The following PRR16 variants were observed in gnomAD, a reference collection of about 807,000 sequenced individuals.
PRR16 encodes protein Largen.
In PRR16, 6 loss-of-function variants were observed where a neutral mutation model predicts 18.2. That is an observed-to-expected ratio of 0.33 (90% confidence interval 0.18 to 0.65). PRR16 has a LOEUF of 0.65. Among genes scored for constraint, PRR16 ranks in the 30% least tolerant of loss-of-function variants. The pLI, the probability that PRR16 is intolerant of heterozygous loss-of-function variation, is 0.74. For missense variants in PRR16, 412 were observed against 376.6 expected (o/e 1.09, Z -0.78); for synonymous variants, 151 against 147.8 (o/e 1.02, Z -0.16).
intron 1 of PRR16, among the ~76,000 whole-genome samples, chr5:120,667,505 T>A (rs539334556): frequency 4.6e-5 from 7 of 151,826 alleles, no homozygotes; most frequent in African/African-American, 1.7e-4. Flanking sequence ...AGCTTTTGAA[T>A]GTGTTTGCTC....
chr5:120,562,729 C>T (rs1264254967), intron 1 of PRR16, among the ~76,000 whole-genome samples: 1 of 152,114 alleles, frequency 6.6e-6, no homozygotes, highest in Admixed American at 6.6e-5. Context: ...CAACTTTTCA[C>T]TGATGGCATA....
At chr5:120,596,195 G>A (rs978230390) in intron 1 of PRR16, among the ~76,000 whole-genome samples, 6 of 146,736 alleles carry the variant, frequency 4.1e-5, no homozygotes, top group Non-Finnish European at 7.5e-5. Flanking sequence ...ATACAATCTT[G>A]ATTTGGGCTC....
the PRR16 span, among the ~76,000 whole-genome samples, chr5:120,712,044 T>G: frequency 1.3e-5 from 2 of 152,202 alleles, no homozygotes; most frequent in East Asian, 3.9e-4. Context: ...GACTGTATGT[T>G]TTTAGTGCTC....
the PRR16 span, among the ~76,000 whole-genome samples, chr5:120,794,087 C>T: frequency 3.3e-5 from 5 of 152,242 alleles, no homozygotes; most frequent in African/African-American, 9.6e-5. Flanking sequence ...ACTAAGATGA[C>T]ATTTTCCTCC....
intron 1 of PRR16, among the ~76,000 whole-genome samples, chr5:120,611,191 A>G (rs1291848658): frequency 1.3e-5 from 2 of 152,170 alleles, no homozygotes; most frequent in African/African-American, 4.8e-5. Context: ...GCAAGTGGTG[A>G]CTTGGGTGCT....
the PRR16 span, among the ~76,000 whole-genome samples, chr5:120,703,658 T>A: frequency 1.3e-5 from 2 of 152,268 alleles, no homozygotes; most frequent in East Asian, 3.9e-4. Context: ...ATTGCTTTTA[T>A]TTAATGTGTT....
At chr5:120,676,595 AAG>A (rs749593458) in intron 1 of PRR16, among the ~76,000 whole-genome samples, 1 of 151,786 alleles carries the variant, frequency 6.6e-6, no homozygotes, top group African/African-American at 2.4e-5. Context: ...GGAAAAAAGA[AAG>A]AGTTAAATAA....
intron 1 of PRR16, among the ~76,000 whole-genome samples, chr5:120,580,804 CTGTT>C (rs1340927369): frequency 6.6e-6 from 1 of 152,066 alleles, no homozygotes; most frequent in African/African-American, 2.4e-5. Context: ...GTTTTTGGTT[CTGTT>C]TATGTGATCA....
chr5:120,509,088 G>A lies in PRR16; in HGVS notation c.159+44443G>A, dbSNP rs1750738964. On this transcript the variant is annotated intron_variant, in intron 1 of 1. Transcript: ENST00000407149. ...TTATATAGCTCTGTCTTATGTTTAT[G>A]TTGCCTGTGAATCTCGATAGTGAAT... Among the ~76,000 whole-genome samples, 5 of 152,216 alleles carry A rather than the reference G, an allele frequency of 3.3e-5. No individual in the cohort carries two copies. In the South Asian group the frequency reaches 1.0e-3, roughly 32 times the overall value.
At chr5:120,643,478 AT>A (rs1755489813) in intron 1 of PRR16, among the ~76,000 whole-genome samples, 1 of 152,170 alleles carries the variant, frequency 6.6e-6, no homozygotes, top group South Asian at 2.1e-4. Context: ...TTTTAAAAAA[AT>A]ATTCACTCAT....
rs574552232 is a variant in PRR16 at position 120,542,873 on chromosome 5, T to G, written c.159+78228T>G. On this transcript the variant is annotated intron_variant, in intron 1 of 1. Transcript: ENST00000407149. ...TGTTTATATTATTAGCAGTCATTCTTTAAAGAATCAAGAATAGAAATAATA... is the reference window on the plus strand; with the variant it reads ...TGTTTATATTATTAGCAGTCATTCTGTAAAGAATCAAGAATAGAAATAATA... Among the ~76,000 whole-genome samples the G allele has an allele frequency of 3.0e-3, 454 of 152,272 alleles. 1 individual carries two copies. The highest frequency in any genetic ancestry group is 0.01 in the African/African-American group (428 of 41,582).
At chr5:120,497,066 G>C (rs1229041560) in intron 1 of PRR16, among the ~76,000 whole-genome samples, 4 of 152,152 alleles carry the variant, frequency 2.6e-5, no homozygotes, top group African/African-American at 9.7e-5. Context: ...TAAGAGAACA[G>C]ACTCTGTTAT....
chr5:120,475,033 T>C (rs1041832735), intron 1 of PRR16, among the ~76,000 whole-genome samples: 3 of 152,252 alleles, frequency 2.0e-5, no homozygotes, highest in Non-Finnish European at 4.4e-5. Flanking sequence ...TAGATGATGA[T>C]GATGACGATG....
the PRR16 span, among the ~76,000 whole-genome samples, chr5:120,743,904 A>G: frequency 2.4e-4 from 37 of 151,892 alleles, no homozygotes; most frequent in Non-Finnish European, 3.8e-4. Flanking sequence ...ATTTTTACCT[A>G]TTATTTTCCT....
chr5:120,529,378 T>A (rs979444235), intron 1 of PRR16, among the ~76,000 whole-genome samples: 1 of 152,172 alleles, frequency 6.6e-6, no homozygotes, highest in African/African-American at 2.4e-5. Flanking sequence ...CAATGGCTTA[T>A]TGACAACTCA....
At chr5:120,594,914 T>C (rs1753752020) in intron 1 of PRR16, among the ~76,000 whole-genome samples, 1 of 151,628 alleles carries the variant, frequency 6.6e-6, no homozygotes, top group Non-Finnish European at 1.5e-5. Context: ...ATGCAGAAAA[T>C]TGAAACTGGA....
chr5:120,683,252 C>T (rs947544994), intron 1 of PRR16, among the ~76,000 whole-genome samples: 10 of 151,984 alleles, frequency 6.6e-5, no homozygotes, highest in Non-Finnish European at 1.3e-4. Flanking sequence ...AAAAGTGAAA[C>T]TGGGCTGAAG....
At chr5:120,566,108 T>A (rs1752728917) in intron 1 of PRR16, among the ~76,000 whole-genome samples, 1 of 152,216 alleles carries the variant, frequency 6.6e-6, no homozygotes, top group Non-Finnish European at 1.5e-5. Flanking sequence ...TGAGGGCTCC[T>A]TTCTCATGAA....
chr5:120,560,619 G>A (rs554764523), intron 1 of PRR16, among the ~76,000 whole-genome samples: 23 of 151,936 alleles, frequency 1.5e-4, no homozygotes, highest in Non-Finnish European at 3.4e-4. Flanking sequence ...TCTTTTTCTG[G>A]TTTTGGTATC....
Sources: allele counts gnomAD v4.1 joint callset (sites outside exome capture counted in the v4.1 genomes callset), GRCh38; gene constraint gnomAD v4.1.1; transcripts MANE v1.5; gene names NCBI Gene and HGNC (gene_info 2026-07-23, HGNC 2026-07-21).